The following BCO1 variants were observed in gnomAD, a reference collection of about 807,000 sequenced individuals.
The protein encoded by BCO1 is beta-carotene oxygenase 1.
Under a neutral mutation model 56.3 loss-of-function variants are expected in BCO1, and 54 were observed. The ratio of observed to expected loss-of-function variants is 0.96; its 90% CI spans 0.77 to 1.20. The LOEUF (loss-of-function observed/expected upper bound fraction) is 1.20, where lower values mean the gene tolerates loss of function less well. BCO1 is among the 50% of genes most tolerant of loss of function. The pLI is 0.00. For synonymous variants in BCO1, 318 were observed against 266.1 expected (o/e 1.20, Z -1.90); for missense variants, 801 against 690.9 (o/e 1.16, Z -1.79).
At chr16:81,280,162 C>T (rs918556317) in intron 7 of BCO1, among the ~76,000 whole-genome samples, 1 of 150,008 alleles carries the variant, frequency 6.7e-6, no homozygotes, top group Non-Finnish European at 1.5e-5. Context: ...ACTCTGGAGG[C>T]TGAGGCAGGA....
At chr16:81,282,045 C>T (rs1379494216) in intron 8 of BCO1, among the ~76,000 whole-genome samples, 2 of 152,198 alleles carry the variant, frequency 1.3e-5, no homozygotes, top group Admixed American at 1.3e-4. Flanking sequence ...TGGACTTGTC[C>T]AAGGAGACTC....
intron 7 of BCO1, among the ~76,000 whole-genome samples, chr16:81,274,178 T>G (rs1597369170): frequency 6.6e-6 from 1 of 151,894 alleles, no homozygotes. Context: ...TGCCACACCT[T>G]ACAAGATTTT....
chr16:81,254,069 C>A (rs749389694), intron 2 of BCO1, among the ~76,000 whole-genome samples: 2 of 152,104 alleles, frequency 1.3e-5, no homozygotes, highest in Non-Finnish European at 2.9e-5. Flanking sequence ...CACAAATAAC[C>A]TCCTGAAGAC....
At chr16:81,239,989 C>G (rs372894830) in intron 1 of BCO1, among the ~76,000 whole-genome samples, 1 of 152,008 alleles carries the variant, frequency 6.6e-6, no homozygotes, top group Admixed American at 6.6e-5. Context: ...AAGGAGAGGA[C>G]AACTGTGAGT....
chr16:81,257,735 T>G lies in BCO1; in HGVS notation c.194-1941T>G, dbSNP rs368691245. Among the ~76,000 whole-genome samples, 5 of 151,726 alleles carry G rather than the reference T, an allele frequency of 3.3e-5. No individual in the cohort carries two copies. The East Asian group carries it at 7.8e-4, about 24-fold the overall frequency. On this transcript the variant is annotated intron_variant, in intron 2 of 10. Coordinates refer to ENST00000258168, the MANE Select transcript of BCO1 (RefSeq NM_017429.3). ...TACTAAAAATATTTTAAAAATTAGC[T>G]GGGCATGGTGGCACATGCCTGTAAT... is the stretch of plus-strand genomic sequence containing the variant.
At chr16:81,273,109 A>G (rs966491994) in intron 7 of BCO1, among the ~76,000 whole-genome samples, 8 of 152,132 alleles carry the variant, frequency 5.3e-5, no homozygotes, top group Non-Finnish European at 1.0e-4. Flanking sequence ...AGCTGGGATT[A>G]CAGGCATGTG....
In BCO1 at chr16:81,258,033, G is replaced by A. The variant is rs116044258; in HGVS notation, c.194-1643G>A. ...CAGAGGAGATGTGATACCGGGACAG[G>A]AGACAGGGGTCACAGTGACGCAGCC... On this transcript the variant is annotated intron_variant, in intron 2 of 10. Coordinates refer to ENST00000258168, the MANE Select transcript of BCO1 (RefSeq NM_017429.3). Among the ~76,000 whole-genome samples, 1,131 of 152,226 alleles carry A rather than the reference G, an allele frequency of 7.4e-3. 23 individuals are homozygous for A. The highest frequency in any genetic ancestry group is 0.026 in the African/African-American group (1,077 of 41,530).
chr16:81,284,218 A>T (rs1908036575), intron 8 of BCO1, among the ~76,000 whole-genome samples: 1 of 138,528 alleles, frequency 7.2e-6, no homozygotes, highest in South Asian at 2.3e-4. Flanking sequence ...AACAAACTAT[A>T]TATATATATA....
intron 9 of BCO1, among the ~76,000 whole-genome samples, chr16:81,286,641 GA>G (rs1462191091): frequency 4.0e-5 from 6 of 151,084 alleles, no homozygotes; most frequent in Non-Finnish European, 7.4e-5. Context: ...TTGAGACCAG[GA>G]GTTCGAGACC....
At chr16:81,262,449 C>A (rs916353315) in intron 4 of BCO1, 166 bp downstream of exon 4, 3 of 724,060 alleles carry the variant, frequency 4.1e-6, no homozygotes, top group Non-Finnish European at 7.3e-6. Context: ...AGATGCTAGG[C>A]AGGGACTGTG....
chr16:81,281,047 T>G, intron 8 of BCO1, 85 bp downstream of exon 8: 1 of 974,328 alleles, frequency 1.0e-6, no homozygotes, highest in South Asian at 1.4e-5. Flanking sequence ...AATAATTCCC[T>G]CCTGTGCATG....
chr16:81,260,640 C>G (rs1906426957), intron 3 of BCO1, among the ~76,000 whole-genome samples: 3 of 152,160 alleles, frequency 2.0e-5, no homozygotes, highest in South Asian at 2.1e-4. Context: ...TCCCAAGTAG[C>G]TGGGATTACA....
rs1908396973 is a variant in BCO1 at position 81,290,422 on chromosome 16, T to C, written c.1489T>C (p.Phe497Leu). 6.2e-7 allele frequency: 1 copy of C among 1,614,074 alleles called. No individual in the cohort carries two copies. The highest frequency in any genetic ancestry group is 1.3e-5 in the African/African-American group (1 of 74,922). The change falls in exon 11 of 11, where the codon TTT (phenylalanine) becomes CTT (leucine). Residue 497 changes from phenylalanine (F) to leucine (L), a missense_variant. Coordinates refer to ENST00000258168, the MANE Select transcript of BCO1 (RefSeq NM_017429.3). ...TCTGCTCATTCTGGATGCCAAAAGC[T>C]TTACGGAATTGGCCCGTGCCTCTGT... ...PFLLILDAKSFTELARASVDV... is the reference protein window; with the variant it reads ...PFLLILDAKSLTELARASVDV...
chr16:81,252,098 C>A (rs530856245), intron 2 of BCO1, among the ~76,000 whole-genome samples: 16 of 152,146 alleles, frequency 1.1e-4, no homozygotes, highest in African/African-American at 3.1e-4. Flanking sequence ...TTGAGTAATT[C>A]CAGACACCTA....
At chr16:81,267,221 ACT>A (rs2151940055) in intron 5 of BCO1, among the ~76,000 whole-genome samples, 1 of 152,118 alleles carries the variant, frequency 6.6e-6, no homozygotes, top group Admixed American at 6.5e-5. Context: ...TAACCCTATG[ACT>A]CTGACCATAA....
chr16:81,251,386 T>C (rs766442841), intron 2 of BCO1, among the ~76,000 whole-genome samples: 6 of 151,926 alleles, frequency 3.9e-5, no homozygotes, highest in Non-Finnish European at 8.8e-5. Flanking sequence ...TAGTGAGACC[T>C]GGTACCTACC....
rs538810411 is a variant in BCO1, at chr16:81,282,560, C to G, written c.1207+1598C>G. Among the ~76,000 whole-genome samples, 9 of 152,214 alleles carry G rather than the reference C, an allele frequency of 5.9e-5. No homozygotes were observed. In the East Asian group the frequency reaches 1.7e-3, roughly 29 times the overall value. On this transcript the variant is annotated intron_variant, in intron 8 of 10. Coordinates refer to ENST00000258168, the MANE Select transcript of BCO1 (RefSeq NM_017429.3). The stretch of plus-strand genomic sequence containing the variant: ...AAAAGGCATCCCATGCATCCCATAA[C>G]CGGTTCTGTGATGCAACTCATTCCC...
At chr16:81,276,649 C>T (rs1907574774) in intron 7 of BCO1, among the ~76,000 whole-genome samples, 1 of 152,228 alleles carries the variant, frequency 6.6e-6, no homozygotes. Context: ...CAGCACAGTG[C>T]ATTGCTGGAA....
At chr16:81,264,584 C>G in intron 4 of BCO1, 56 bp from the exon 5 acceptor site, 1 of 1,589,322 alleles carries the variant, frequency 6.3e-7, no homozygotes. Flanking sequence ...GATGTCATAT[C>G]TTGCAGGTTG....
Sources: gnomAD v4.1 joint callset for allele counts (sites outside exome capture counted in the v4.1 genomes callset) on GRCh38, gnomAD v4.1.1 for gene constraint, MANE v1.5 for transcripts, NCBI Gene and HGNC (gene_info 2026-07-23, HGNC 2026-07-21) for gene names.